TMEM196: variants seen among roughly 807,000 people sequenced by gnomAD.
TMEM196 encodes the protein transmembrane protein 196.
Under a neutral mutation model 20.0 loss-of-function variants are expected in TMEM196, and 17 were observed. That is an observed-to-expected ratio of 0.85 (90% confidence interval 0.58 to 1.27). The LOEUF is 1.27. TMEM196 is among the 50% of genes most tolerant of loss of function. The pLI, the probability that TMEM196 is intolerant of heterozygous loss-of-function variation, is 0.00. For synonymous variants in TMEM196, 113 were observed against 88.9 expected, an observed-to-expected ratio of 1.27 and a Z score of -1.52; for missense variants, 267 against 223.0, an observed-to-expected ratio of 1.20 and a Z score of -1.26.
intron 1 of TMEM196, among the ~76,000 whole-genome samples, chr7:19,765,784 A>AGATATTTTGG (rs965612569): frequency 6.6e-6 from 1 of 152,192 alleles, no homozygotes. Flanking sequence ...TTTCTAATAT[A>AGATATTTTGG]GATATTTTGG....
chr7:19,745,690 C>T (rs1173671706), intron 1 of TMEM196, among the ~76,000 whole-genome samples: 2 of 148,198 alleles, frequency 1.3e-5, no homozygotes, highest in East Asian at 3.9e-4. Context: ...CTTCCTGGTG[C>T]ATAATTCATC....
chr7:19,763,007 A>G (rs975491659), intron 1 of TMEM196, among the ~76,000 whole-genome samples: 1 of 152,228 alleles, frequency 6.6e-6, no homozygotes, highest in Non-Finnish European at 1.5e-5. Context: ...ATTAAATTGT[A>G]TATCGATGAC....
At chr7:19,723,289 C>A in intron 4 of TMEM196, among the ~76,000 whole-genome samples, 1 of 151,798 alleles carries the variant, frequency 6.6e-6, no homozygotes, top group East Asian at 1.9e-4. Flanking sequence ...TGATCTTCAA[C>A]AAAATTTACT....
At chr7:19,757,152 T>C (rs1305803121) in intron 1 of TMEM196, among the ~76,000 whole-genome samples, 1 of 151,340 alleles carries the variant, frequency 6.6e-6, no homozygotes, top group East Asian at 2.0e-4. Flanking sequence ...CCCCAAAACT[T>C]GCATCTTATA....
chr7:19,764,407 A>C (rs2128038969), intron 1 of TMEM196, among the ~76,000 whole-genome samples: 1 of 152,174 alleles, frequency 6.6e-6, no homozygotes, highest in Middle Eastern at 3.4e-3. Flanking sequence ...GCAGATCTTC[A>C]TTTTGCAGTT....
chr7:19,727,643 C>T (rs1308499490), intron 2 of TMEM196, among the ~76,000 whole-genome samples: 1 of 152,056 alleles, frequency 6.6e-6, no homozygotes, highest in African/African-American at 2.4e-5. Context: ...TTGGTGTTTA[C>T]TCATTCTCTG....
intron 1 of TMEM196, among the ~76,000 whole-genome samples, chr7:19,739,175 G>A (rs1425686340): frequency 1.3e-5 from 2 of 152,038 alleles, no homozygotes; most frequent in African/African-American, 4.8e-5. Context: ...TTGCAAAGGT[G>A]GAAGTGAAAC....
intron 2 of TMEM196, among the ~76,000 whole-genome samples, chr7:19,728,522 A>C (rs1784077723): frequency 6.6e-6 from 1 of 152,202 alleles, no homozygotes; most frequent in Non-Finnish European, 1.5e-5. Flanking sequence ...GTGATTAGAA[A>C]AAGGGGTCAA....
At chr7:19,756,206 T>C (rs1785204913) in intron 1 of TMEM196, among the ~76,000 whole-genome samples, 1 of 152,110 alleles carries the variant, frequency 6.6e-6, no homozygotes, top group Non-Finnish European at 1.5e-5. Flanking sequence ...AAAGGGGGAT[T>C]TCAGCAATGT....
At chr7:19,746,185 C>G (rs1421705220) in intron 1 of TMEM196, among the ~76,000 whole-genome samples, 1 of 152,154 alleles carries the variant, frequency 6.6e-6, no homozygotes, top group Admixed American at 6.5e-5. Flanking sequence ...AAGACTTTAA[C>G]CGATCATCAG....
chr7:19,763,077 C>T (rs922204822), intron 1 of TMEM196, among the ~76,000 whole-genome samples: 16 of 152,144 alleles, frequency 1.1e-4, no homozygotes, highest in African/African-American at 3.9e-4. Context: ...CCTGGGTGTG[C>T]ACACACAGAC....
At chr7:19,765,553 T>G (rs1785593730) in intron 1 of TMEM196, among the ~76,000 whole-genome samples, 1 of 152,180 alleles carries the variant, frequency 6.6e-6, no homozygotes, top group African/African-American at 2.4e-5. Context: ...AGTATTTACA[T>G]AGTTCTAAAT....
chr7:19,762,233 CATAG>C (rs1168443816), intron 1 of TMEM196, among the ~76,000 whole-genome samples: 3 of 151,924 alleles, frequency 2.0e-5, no homozygotes, highest in Non-Finnish European at 4.4e-5. Context: ...AAACCCGTCT[CATAG>C]ATAGTAGTAA....
chr7:19,746,284 G>C (rs1228660371), intron 1 of TMEM196, among the ~76,000 whole-genome samples: 2 of 152,190 alleles, frequency 1.3e-5, no homozygotes, highest in Non-Finnish European at 2.9e-5. Context: ...GAAATGTTTA[G>C]GGAGTCAGTA....
Position 19,720,680 on chromosome 7 carries a change from T to C in TMEM196, c.*1448A>G, listed in dbSNP as rs1783784550. ...GTTTGCTATTTTAACATTCCATTAT[T>C]AGAGGAAAGGATTGAATCTAGCTAT... On this transcript the variant is annotated 3_prime_UTR_variant, in exon 5 of 5. Coordinates refer to ENST00000405844, the MANE Select transcript of TMEM196 (RefSeq NM_001363562.2). The C allele has an allele frequency of 6.6e-6, 1 of 151,974 alleles. No individual in the cohort carries two copies. The highest frequency in any genetic ancestry group is 2.4e-5 in the African/African-American group (1 of 41,444). The allele number at this position is 151,974 out of a possible 1,614,324, so 9.4% of individuals were successfully genotyped here.
rs1214856309 is a variant in TMEM196, at chr7:19,720,343, T to C, written c.*1785A>G. 6.6e-6 allele frequency: 1 copy of C among 152,066 alleles called. No individual in the cohort carries two copies. The highest frequency in any genetic ancestry group is 1.9e-4 in the East Asian group (1 of 5,206). 9.4% of individuals were successfully genotyped at this position (152,066 alleles called of 1,614,324 possible). A position where few individuals can be genotyped will look rare whatever the true frequency, so the allele number is the denominator to read the frequency against. ...TTAAATAGGTTAAACGATGATCATG[T>C]TGCTATAAAAGACCTTCAAATTTTC... On this transcript the variant is annotated 3_prime_UTR_variant, in exon 5 of 5. Coordinates refer to ENST00000405844, the MANE Select transcript of TMEM196 (RefSeq NM_001363562.2).
intron 1 of TMEM196, among the ~76,000 whole-genome samples, chr7:19,758,542 G>T (rs1240230171): frequency 1.3e-5 from 2 of 152,066 alleles, no homozygotes; most frequent in African/African-American, 2.4e-5. Flanking sequence ...TTGGACTCTG[G>T]TCCTAGTTCT....
chr7:19,755,197 A>G (rs1785156478), intron 1 of TMEM196, among the ~76,000 whole-genome samples: 1 of 152,202 alleles, frequency 6.6e-6, no homozygotes, highest in Non-Finnish European at 1.5e-5. Context: ...AAATCTAACA[A>G]AATATTGTTT....
chr7:19,766,547 A>C (rs1785634916), intron 1 of TMEM196, among the ~76,000 whole-genome samples: 1 of 151,012 alleles, frequency 6.6e-6, no homozygotes, highest in African/African-American at 2.4e-5. Flanking sequence ...ATAGGATCAT[A>C]TATATTACAT....
Sources: allele counts gnomAD v4.1 joint callset (sites outside exome capture counted in the v4.1 genomes callset), GRCh38; gene constraint gnomAD v4.1.1; transcripts MANE v1.5; gene names NCBI Gene and HGNC (gene_info 2026-07-23, HGNC 2026-07-21).